Variants in FTO observed in about 807,000 individuals in gnomAD.
FTO encodes the protein alpha-ketoglutarate-dependent dioxygenase FTO.
FTO carries 47 observed loss-of-function variants against 63.9 expected under a neutral mutation model. That is an observed-to-expected ratio of 0.74 (90% CI 0.58 to 0.94). FTO has a LOEUF of 0.94. Among genes scored for constraint, FTO ranks in the 40% least tolerant of loss-of-function variants. The pLI is 0.00. For synonymous variants in FTO, 207 were observed against 224.4 expected (o/e 0.92, Z 0.69); for missense variants, 562 against 618.1 (o/e 0.91, Z 0.96).
chr16:53,917,737 T>TCC (rs1555493312), intron 7 of FTO, among the ~76,000 whole-genome samples: 25 of 151,232 alleles, frequency 1.7e-4, no homozygotes, highest in Non-Finnish European at 2.8e-4. Context: ...TGTGTGTGTG[T>TCC]GTGTGTCCAT....
rs564736581 is a variant in FTO, at chr16:54,018,211, C to T, written c.1364+84102C>T. Among the ~76,000 whole-genome samples the T allele has an allele frequency of 9.7e-4, 147 of 152,182 alleles. 1 individual carries two copies. Among genetic ancestry groups the T allele is most frequent in the Non-Finnish European group, 1.9e-3 (127 of 68,000 alleles). On this transcript the variant is annotated intron_variant, in intron 8 of 8. Transcript: ENST00000471389. ...AGGAGAGCTTACCCAAGGTAAAATA[C>T]TTGGTCAAAATTTATAAGCCTCTTC... is the stretch of plus-strand genomic sequence containing the variant.
intron 1 of FTO, among the ~76,000 whole-genome samples, 188 bp from the exon 2 acceptor site, chr16:53,809,951 GA>G (rs913640482): frequency 1.3e-5 from 2 of 148,420 alleles, no homozygotes; most frequent in African/African-American, 5.0e-5. Flanking sequence ...TAAAAGAAAA[GA>G]AAAAAAAAGA....
chr16:53,911,329 C>T (rs908060900), intron 7 of FTO: 1 of 700,826 alleles, frequency 1.4e-6, no homozygotes, highest in Non-Finnish European at 2.6e-6. Context: ...AGTGGAACAG[C>T]CAGAGATAGC....
At chr16:53,872,782 T>C (rs2040482984) in intron 4 of FTO, among the ~76,000 whole-genome samples, 1 of 152,254 alleles carries the variant, frequency 6.6e-6, no homozygotes, top group African/African-American at 2.4e-5. Context: ...TTTAAGTCAT[T>C]ATCTTTTTTG....
At chr16:53,757,194 A>G (rs2076944525) in intron 1 of FTO, among the ~76,000 whole-genome samples, 1 of 152,214 alleles carries the variant, frequency 6.6e-6, no homozygotes, top group Non-Finnish European at 1.5e-5. Flanking sequence ...AACCTAATTA[A>G]CATATGCATT....
At chr16:53,855,789 G>C (rs1322616103) in intron 4 of FTO, among the ~76,000 whole-genome samples, 1 of 151,784 alleles carries the variant, frequency 6.6e-6, no homozygotes, top group African/African-American at 2.4e-5. Flanking sequence ...TGACATCACA[G>C]AACTTTCTAA....
At chr16:53,917,989 G>C (rs1301717257) in intron 7 of FTO, among the ~76,000 whole-genome samples, 3 of 152,066 alleles carry the variant, frequency 2.0e-5, no homozygotes, top group African/African-American at 7.2e-5. Context: ...AGCTTAGTGA[G>C]ACATAGCTTT....
chr16:53,762,864 A>C (rs1021862001), intron 1 of FTO, among the ~76,000 whole-genome samples: 1 of 152,236 alleles, frequency 6.6e-6, no homozygotes, highest in Non-Finnish European at 1.5e-5. Flanking sequence ...ATTTCTTGCC[A>C]CTACAAGTTT....
chr16:53,980,970 C>A (rs2083528810), intron 8 of FTO, among the ~76,000 whole-genome samples: 1 of 152,156 alleles, frequency 6.6e-6, no homozygotes, highest in Admixed American at 6.5e-5. Flanking sequence ...CAGTTTTCCT[C>A]AAAGAGATAA....
intron 1 of FTO, among the ~76,000 whole-genome samples, chr16:53,723,228 C>T (rs1198747332): frequency 1.3e-5 from 2 of 152,168 alleles, no homozygotes; most frequent in Non-Finnish European, 2.9e-5. Context: ...AATTTCTTTC[C>T]ACCTTGCCAT....
intron 5 of FTO, 44 bp downstream of exon 5, chr16:53,873,909 C>T (rs772420551): frequency 1.4e-6 from 2 of 1,419,888 alleles, no homozygotes; most frequent in South Asian, 2.3e-5. Flanking sequence ...TTGGATGTGA[C>T]AGAAGTGGTT....
At chr16:53,948,843 C>G (rs2082707421) in intron 8 of FTO, among the ~76,000 whole-genome samples, 1 of 152,162 alleles carries the variant, frequency 6.6e-6, no homozygotes, top group Non-Finnish European at 1.5e-5. Context: ...TCACACTTCT[C>G]AAGAATAGAA....
intron 8 of FTO, chr16:54,061,605 TTGTGTG>T (rs78465059): frequency 0.19 from 28,445 of 149,478 alleles, 4,377 homozygotes; most frequent in African/African-American, 0.43. Context: ...GCATGTGTGT[TTGTGTG>T]TGTGTGTGTG....
chr16:53,883,619 T>A (rs2080905869), intron 6 of FTO, among the ~76,000 whole-genome samples: 1 of 76,384 alleles, frequency 1.3e-5, no homozygotes, highest in East Asian at 5.5e-4. Flanking sequence ...CGAAACTCTA[T>A]CTCAAAAAAA....
intron 8 of FTO, among the ~76,000 whole-genome samples, chr16:54,001,803 A>C (rs550370428): frequency 6.6e-6 from 1 of 152,294 alleles, no homozygotes; most frequent in Admixed American, 6.5e-5. Flanking sequence ...ATCTACTTCT[A>C]AGGCTCCTGA....
chr16:54,020,031 G>A, intron 8 of FTO, among the ~76,000 whole-genome samples: 1 of 152,212 alleles, frequency 6.6e-6, no homozygotes, highest in South Asian at 2.1e-4. Flanking sequence ...TATTTCTATA[G>A]TTATTTTCCC....
intron 8 of FTO, among the ~76,000 whole-genome samples, chr16:53,976,327 C>T (rs2083437957): frequency 6.6e-6 from 1 of 152,028 alleles, no homozygotes; most frequent in South Asian, 2.1e-4. Flanking sequence ...TAGGGATTAA[C>T]TTTATTATTA....
chr16:53,831,129 T>C (rs894789070), intron 3 of FTO, among the ~76,000 whole-genome samples: 21 of 152,346 alleles, frequency 1.4e-4, no homozygotes, highest in African/African-American at 5.1e-4. Flanking sequence ...CATGACTTGC[T>C]CTATATTTCT....
chr16:53,847,653 A>G (rs1246713624), intron 4 of FTO, among the ~76,000 whole-genome samples: 1 of 151,870 alleles, frequency 6.6e-6, no homozygotes, highest in African/African-American at 2.4e-5. Context: ...CTGTAATCCC[A>G]GCTACTCTGG....
Sources: gnomAD v4.1 joint callset for allele counts (sites outside exome capture counted in the v4.1 genomes callset) on GRCh38, gnomAD v4.1.1 for gene constraint, MANE v1.5 for transcripts, NCBI Gene and HGNC (gene_info 2026-07-23, HGNC 2026-07-21) for gene names.